MYO6: variants seen among roughly 807,000 people sequenced by gnomAD.
MYO6 encodes myosin VI, also known as unconventional myosin-VI.
Under a neutral mutation model 178.7 loss-of-function variants are expected in MYO6, and 74 were observed. That is an observed-to-expected ratio of 0.41 (90% CI 0.34 to 0.50). MYO6 has a LOEUF of 0.50. Ranked by LOEUF, MYO6 falls within the 20% of genes least tolerant of loss-of-function variation. The probability of loss-of-function intolerance (pLI) is 0.09; values close to 1 mark genes in which losing one functional copy is unlikely to be tolerated. For missense variants in MYO6, 1,330 were observed against 1,547.4 expected (o/e 0.86, Z 2.36); for synonymous variants, 477 against 504.6 (o/e 0.95, Z 0.73).
At chr6:75,880,380 G>A (rs1777915137) in intron 22 of MYO6, among the ~76,000 whole-genome samples, 1 of 152,198 alleles carries the variant, frequency 6.6e-6, no homozygotes, top group Non-Finnish European at 1.5e-5. Context: ...GAGCACAGGT[G>A]TCCAGTCTTT....
intron 30 of MYO6, among the ~76,000 whole-genome samples, chr6:75,898,907 AC>A (rs1183285494): frequency 4.6e-5 from 7 of 152,196 alleles, no homozygotes; most frequent in Non-Finnish European, 1.0e-4. Context: ...CTGGTCCATT[AC>A]TTTTATAAAT....
intron 1 of MYO6, among the ~76,000 whole-genome samples, chr6:75,771,248 C>T (rs896209552): frequency 6.6e-5 from 10 of 151,228 alleles, no homozygotes; most frequent in African/African-American, 9.7e-5. Context: ...GTGATCTGGC[C>T]GCCTTGGCCT....
intron 6 of MYO6, 113 bp downstream of exon 6, chr6:75,833,060 C>A (rs1192100583): frequency 5.4e-6 from 4 of 747,276 alleles, no homozygotes; most frequent in South Asian, 2.9e-5. Context: ...CACCACAGCT[C>A]ACTGTAGCCT....
At chr6:75,821,129 A>G (rs1771827872) in intron 2 of MYO6, among the ~76,000 whole-genome samples, 1 of 151,962 alleles carries the variant, frequency 6.6e-6, no homozygotes, top group African/African-American at 2.4e-5. Flanking sequence ...ACCTTTCAGG[A>G]CTCCTTACTG....
chr6:75,830,967 G>T (rs1773016793), intron 5 of MYO6, among the ~76,000 whole-genome samples: 2 of 152,186 alleles, frequency 1.3e-5, no homozygotes, highest in African/African-American at 2.4e-5. Context: ...ACTTGGGCTA[G>T]ATTTCAGCTG....
chr6:75,807,671 A>T (rs992318726), intron 1 of MYO6, among the ~76,000 whole-genome samples: 2 of 152,334 alleles, frequency 1.3e-5, no homozygotes, highest in East Asian at 3.9e-4. Context: ...AAAGTAAAGG[A>T]ATAAAGAATA....
intron 23 of MYO6, among the ~76,000 whole-genome samples, chr6:75,883,544 A>T (rs997262764): frequency 1.3e-5 from 2 of 152,072 alleles, no homozygotes; most frequent in African/African-American, 4.8e-5. Flanking sequence ...AGGAATTTTG[A>T]TCTTTTGGGA....
At chr6:75,783,028 C>T (rs1355875959) in intron 1 of MYO6, among the ~76,000 whole-genome samples, 1 of 151,686 alleles carries the variant, frequency 6.6e-6, no homozygotes, top group East Asian at 1.9e-4. Context: ...GATCCTACCA[C>T]CTCAGTCTCT....
intron 32 of MYO6, among the ~76,000 whole-genome samples, chr6:75,909,711 G>A (rs931914157): frequency 6.6e-6 from 1 of 152,106 alleles, no homozygotes; most frequent in East Asian, 1.9e-4. Flanking sequence ...GCTTAATTCT[G>A]GTTAACATCA....
chr6:75,911,284 G>A (rs376914940), intron 32 of MYO6, among the ~76,000 whole-genome samples: 4 of 152,014 alleles, frequency 2.6e-5, no homozygotes, highest in African/African-American at 9.6e-5. Context: ...CTCCTGTAAT[G>A]TATATAATTT....
intron 32 of MYO6, among the ~76,000 whole-genome samples, chr6:75,911,158 G>T (rs1322523643): frequency 6.6e-6 from 1 of 151,814 alleles, no homozygotes; most frequent in Non-Finnish European, 1.5e-5. Context: ...TTAAAACAAT[G>T]ATTTTGGAAA....
In MYO6 at chr6:75,881,845, G is replaced by C. The variant is rs186597400; in HGVS notation, c.2416+27G>C. On this transcript the variant is annotated intron_variant, in intron 23 of 34. Coordinates refer to ENST00000369977, the MANE Select transcript of MYO6 (RefSeq NM_004999.4). ...TAGGTGTTTTCCTTTACACCTATAG[G>C]ATCTTTCATTGTTTCAAGATGGTTT... 60 of 1,611,736 alleles carry C rather than the reference G, an allele frequency of 3.7e-5. No homozygotes were observed. The African/African-American group carries it at 7.6e-4, about 20-fold the overall frequency.
At chr6:75,895,082 A>G (rs548060165) in intron 28 of MYO6, 149 bp from the exon 29 acceptor site, 6 of 649,702 alleles carry the variant, frequency 9.2e-6, no homozygotes, top group East Asian at 8.4e-5. Context: ...TTAAAAATAT[A>G]TTAAAATTCT....
chr6:75,854,745 G>A (rs1018614552), intron 11 of MYO6, among the ~76,000 whole-genome samples: 27 of 152,032 alleles, frequency 1.8e-4, no homozygotes, highest in African/African-American at 5.6e-4. Context: ...GCCTTACAGC[G>A]TTTGCACTAA....
intron 11 of MYO6, among the ~76,000 whole-genome samples, chr6:75,850,784 G>A (rs972246882): frequency 2.0e-5 from 3 of 151,988 alleles, no homozygotes; most frequent in African/African-American, 4.8e-5. Context: ...AGGAATACGC[G>A]AGTTAAATAT....
intron 6 of MYO6, among the ~76,000 whole-genome samples, chr6:75,835,522 C>T (rs1773552819): frequency 6.6e-6 from 1 of 152,102 alleles, no homozygotes; most frequent in Non-Finnish European, 1.5e-5. Context: ...ACCTTGGCCT[C>T]CCAGGTTCAA....
intron 3 of MYO6, among the ~76,000 whole-genome samples, chr6:75,826,793 C>T (rs973551421): frequency 4.6e-5 from 7 of 152,000 alleles, no homozygotes; most frequent in African/African-American, 1.7e-4. Flanking sequence ...CTAAGTGGCA[C>T]TAGAAAGCAG....
chr6:75,756,908 TATACAC>T (rs1562112927), intron 1 of MYO6, among the ~76,000 whole-genome samples: 13 of 94,940 alleles, frequency 1.4e-4, no homozygotes, highest in Admixed American at 3.7e-4. Context: ...TATATATATA[TATACAC>T]ATATATATAC....
At chr6:75,833,827 T>G (rs763648064) in intron 6 of MYO6, among the ~76,000 whole-genome samples, 22 of 152,220 alleles carry the variant, frequency 1.4e-4, no homozygotes, top group Non-Finnish European at 7.3e-5. Context: ...AATATTTCTT[T>G]GAGAATTTGA....
Sources: gnomAD v4.1 joint callset for allele counts (sites outside exome capture counted in the v4.1 genomes callset) on GRCh38, gnomAD v4.1.1 for gene constraint, MANE v1.5 for transcripts, NCBI Gene and HGNC (gene_info 2026-07-23, HGNC 2026-07-21) for gene names.